The following PIGU variants were observed in gnomAD, a reference collection of about 807,000 sequenced individuals.
The protein encoded by PIGU is phosphatidylinositol glycan anchor biosynthesis class U, also known as GPI-anchor transamidase component PIGU.
Under a neutral mutation model 49.9 loss-of-function variants are expected in PIGU, and 24 were observed. The ratio of observed to expected loss-of-function variants is 0.48; its 90% CI spans 0.35 to 0.68. The LOEUF is 0.68. Ranked by LOEUF, PIGU falls within the 30% of genes least tolerant of loss-of-function variation. PIGU has a pLI of 0.01. For missense variants in PIGU, 490 were observed against 532.6 expected (o/e 0.92, Z 0.79); for synonymous variants, 220 against 205.7 (o/e 1.07, Z -0.59).
chr20:34,572,169 A>G (rs760591413), intron 11 of PIGU, among the ~76,000 whole-genome samples: 2 of 152,150 alleles, frequency 1.3e-5, no homozygotes, highest in African/African-American at 2.4e-5. Context: ...AGGCTCTTCC[A>G]TTTTATTTAT....
intron 6 of PIGU, among the ~76,000 whole-genome samples, chr20:34,631,753 A>T (rs866708224): frequency 6.4e-4 from 2 of 3,148 alleles, no homozygotes; most frequent in African/African-American, 1.9e-3. Flanking sequence ...ATATATATAT[A>T]TATATATATA....
Position 34,560,633 on chromosome 20 carries a change from C to T in PIGU, c.*233G>A, listed in dbSNP as rs1488883048. The T allele has an allele frequency of 4.5e-6, 2 of 443,822 alleles. No homozygotes were observed. The highest frequency in any genetic ancestry group is 7.9e-6 in the Non-Finnish European group (2 of 251,774). The allele number at this position is 443,822 out of a possible 1,614,324, so 27.5% of individuals were successfully genotyped here. A position where few individuals can be genotyped will look rare whatever the true frequency, so the allele number is the denominator to read the frequency against. Reference sequence around the variant, plus strand: ...TCTCCTTCCTGTCTGGGAGGGGGCTCCTTGGTGTGCAGAGCCACAAGGTGG... The same window carrying T: ...TCTCCTTCCTGTCTGGGAGGGGGCTTCTTGGTGTGCAGAGCCACAAGGTGG... On this transcript the variant is annotated 3_prime_UTR_variant, in exon 12 of 12. Coordinates refer to ENST00000217446, the MANE Select transcript of PIGU (RefSeq NM_080476.5).
In PIGU at chr20:34,636,424, G is replaced by A. The variant is rs528987659; in HGVS notation, c.428+1452C>T. 6.3e-4 allele frequency among the ~76,000 whole-genome samples: 95 copies of A among 151,714 alleles called. 1 individual carries two copies. Among genetic ancestry groups the A allele is most frequent in the Non-Finnish European group, 1.2e-3 (83 of 67,892 alleles). On this transcript the variant is annotated intron_variant, in intron 5 of 11. Transcript: ENST00000217446. ...CCAGGCGTGGTGGCGGGTACCTGTAGTCCCAGCTACTCGGGAGGCTGAGGC... is the reference window on the plus strand; with the variant it reads ...CCAGGCGTGGTGGCGGGTACCTGTAATCCCAGCTACTCGGGAGGCTGAGGC...
intron 7 of PIGU, among the ~76,000 whole-genome samples, chr20:34,614,210 T>C (rs1984922257): frequency 6.6e-6 from 1 of 151,864 alleles, no homozygotes; most frequent in Non-Finnish European, 1.5e-5. Context: ...GGTGAAAGGA[T>C]TGCTTGTGCC....
chr20:34,595,572 G>C (rs1984170069), intron 7 of PIGU, among the ~76,000 whole-genome samples: 1 of 152,168 alleles, frequency 6.6e-6, no homozygotes, highest in South Asian at 2.1e-4. Flanking sequence ...AGGATAGCAG[G>C]AATGATGACA....
chr20:34,611,879 C>A (rs114283717), intron 7 of PIGU, among the ~76,000 whole-genome samples: 1 of 152,022 alleles, frequency 6.6e-6, no homozygotes, highest in African/African-American at 2.4e-5. Context: ...GGCAAGGATG[C>A]GGAAAAATAG....
intron 11 of PIGU, among the ~76,000 whole-genome samples, chr20:34,563,274 A>C (rs1448441023): frequency 6.6e-6 from 1 of 152,220 alleles, no homozygotes; most frequent in East Asian, 1.9e-4. Flanking sequence ...CCATTGATAA[A>C]AATAAAACTT....
intron 2 of PIGU, among the ~76,000 whole-genome samples, chr20:34,646,629 G>A (rs1287070947): frequency 6.6e-6 from 1 of 151,742 alleles, no homozygotes. Context: ...GGCTGGTCTG[G>A]AACTCCTAAC....
At chr20:34,598,207 T>A (rs1220249466) in intron 7 of PIGU, among the ~76,000 whole-genome samples, 3 of 152,162 alleles carry the variant, frequency 2.0e-5, no homozygotes, top group Admixed American at 2.0e-4. Context: ...TTATTATGTT[T>A]TAAACTATGC....
At chr20:34,665,844 T>C (rs901652422) in intron 1 of PIGU, among the ~76,000 whole-genome samples, 2 of 151,988 alleles carry the variant, frequency 1.3e-5, no homozygotes, top group African/African-American at 4.8e-5. Context: ...CTCTTTAAAA[T>C]AGTGAATCTA....
At chr20:34,651,906 C>T (rs948611505) in intron 2 of PIGU, among the ~76,000 whole-genome samples, 1 of 151,904 alleles carries the variant, frequency 6.6e-6, no homozygotes, top group African/African-American at 2.4e-5. Flanking sequence ...GAGGTTGAGA[C>T]CATCCCGGGC....
At chr20:34,630,906 A>C (rs1028360750) in intron 6 of PIGU, among the ~76,000 whole-genome samples, 5 of 152,110 alleles carry the variant, frequency 3.3e-5, no homozygotes, top group Admixed American at 1.3e-4. Flanking sequence ...CAGCCTCCCA[A>C]AATGCTGGGA....
rs140517535 is a variant in PIGU at position 34,660,900 on chromosome 20, A to G, written c.131-3656T>C. On this transcript the variant is annotated intron_variant, in intron 1 of 11. Coordinates refer to ENST00000217446, the MANE Select transcript of PIGU (RefSeq NM_080476.5). ...ATAAGGCCTGTAATTAGTTAATAGC[A>G]TTGTATCAATGTTAATTTTCTGGTT... Among the ~76,000 whole-genome samples, 421 of 152,294 alleles carry G rather than the reference A, an allele frequency of 2.8e-3. 1 individual carries two copies. The highest frequency in any genetic ancestry group is 9.6e-3 in the African/African-American group (400 of 41,558).
At chr20:34,660,819 CA>C (rs1359312179) in intron 1 of PIGU, among the ~76,000 whole-genome samples, 1 of 152,110 alleles carries the variant, frequency 6.6e-6, no homozygotes, top group African/African-American at 2.4e-5. Context: ...AGTGGAATCA[CA>C]GGTTGGATAT....
chr20:34,652,380 C>T (rs2146779123), intron 2 of PIGU, among the ~76,000 whole-genome samples: 1 of 152,296 alleles, frequency 6.6e-6, no homozygotes, highest in Middle Eastern at 3.4e-3. Context: ...ATCCATCATT[C>T]CCAAGTTTAT....
chr20:34,657,079 A>C, intron 2 of PIGU, 101 bp downstream of exon 2: 1 of 939,264 alleles, frequency 1.1e-6, no homozygotes. Context: ...GATCGTCAAG[A>C]ATACATCTTT....
In PIGU at chr20:34,673,267, A is replaced by AG. The variant is rs1168175310; in HGVS notation, c.130+3688_130+3689insC. ...AGACTCCGTCTCAAAAAAAAAAAAA[A>AG]AAAAAATGTAAAATGTCATGTGAAA... is the stretch of plus-strand genomic sequence containing the variant. On this transcript the variant is annotated intron_variant, in intron 1 of 11. Transcript: ENST00000217446. Among the ~76,000 whole-genome samples, 3 of 151,960 alleles carry AG rather than the reference A, an allele frequency of 2.0e-5. No homozygotes were observed. The East Asian group carries it at 5.8e-4, about 29-fold the overall frequency.
intron 1 of PIGU, among the ~76,000 whole-genome samples, chr20:34,664,021 T>C (rs1987005561): frequency 2.0e-5 from 3 of 152,230 alleles, no homozygotes; most frequent in East Asian, 1.9e-4. Flanking sequence ...TGTATATCAG[T>C]GGATTTGTTA....
intron 11 of PIGU, chr20:34,562,410 CCT>C (rs1175140308): frequency 1.6e-6 from 2 of 1,285,106 alleles, no homozygotes; most frequent in East Asian, 1.1e-4. Flanking sequence ...ACCTCCAGAC[CCT>C]GTCCTGGGCA....
Sources: gnomAD v4.1 joint callset for allele counts (sites outside exome capture counted in the v4.1 genomes callset) on GRCh38, gnomAD v4.1.1 for gene constraint, MANE v1.5 for transcripts, NCBI Gene and HGNC (gene_info 2026-07-23, HGNC 2026-07-21) for gene names.